The following CHN2 variants were observed in gnomAD, a reference collection of about 807,000 sequenced individuals.
The protein encoded by CHN2 is chimerin 2.
A neutral mutation model predicts 56.3 loss-of-function variants in CHN2; 35 were observed. The observed-to-expected ratio is 0.62, with a 90% confidence interval of 0.47 to 0.82. The LOEUF (loss-of-function observed/expected upper bound fraction) is 0.82. Among genes scored for constraint, CHN2 ranks in the 40% least tolerant of loss-of-function variants. CHN2 has a pLI of 0.00. For synonymous variants in CHN2, 210 were observed against 212.8 expected, an observed-to-expected ratio of 0.99 and a Z score of 0.12; for missense variants, 491 against 580.5, an observed-to-expected ratio of 0.85 and a Z score of 1.58.
intron 1 of CHN2, among the ~76,000 whole-genome samples, chr7:29,276,056 T>TA (rs3842626): frequency 2.0e-4 from 29 of 148,114 alleles, no homozygotes; most frequent in South Asian, 4.3e-4. Context: ...ATCTAAAACT[T>TA]AAAAAAAAAA....
chr7:29,151,300 A>G (rs1793561261), intron 2 of CHN2, among the ~76,000 whole-genome samples: 1 of 152,248 alleles, frequency 6.6e-6, no homozygotes, highest in East Asian at 1.9e-4. Flanking sequence ...ACAATGTCCA[A>G]ATTAATCTAC....
chr7:29,376,084 G>A (rs1428484967), intron 3 of CHN2, among the ~76,000 whole-genome samples: 4 of 152,204 alleles, frequency 2.6e-5, no homozygotes, highest in African/African-American at 7.2e-5. Context: ...AGGCTTGGAC[G>A]TAGATTTCTG....
intron 1 of CHN2, among the ~76,000 whole-genome samples, chr7:29,233,060 A>G (rs1003714824): frequency 1.3e-5 from 2 of 152,170 alleles, no homozygotes; most frequent in Admixed American, 6.5e-5. Context: ...AGTTTTCTCA[A>G]TGTCATACTA....
intron 1 of CHN2, among the ~76,000 whole-genome samples, chr7:29,353,457 G>C (rs1272121706): frequency 6.6e-6 from 1 of 152,142 alleles, no homozygotes; most frequent in African/African-American, 2.4e-5. Flanking sequence ...AGTTCAAGAT[G>C]TGCCTGGCCA....
intron 6 of CHN2, among the ~76,000 whole-genome samples, chr7:29,433,952 A>G (rs1015669922): frequency 3.3e-5 from 5 of 152,060 alleles, no homozygotes; most frequent in Non-Finnish European, 7.4e-5. Flanking sequence ...GAAGGAATCT[A>G]TCTTACAGTT....
At chr7:29,259,422 A>G (rs1362744165) in intron 1 of CHN2, among the ~76,000 whole-genome samples, 1 of 152,146 alleles carries the variant, frequency 6.6e-6, no homozygotes, top group East Asian at 1.9e-4. Context: ...TCTGTAGGAT[A>G]TAGAGAAGAG....
intron 1 of CHN2, among the ~76,000 whole-genome samples, chr7:29,264,550 C>A (rs1305757514): frequency 1.3e-5 from 2 of 152,202 alleles, no homozygotes; most frequent in African/African-American, 4.8e-5. Context: ...GCTGTGTCCA[C>A]TAAGGGTTGA....
At chr7:29,319,079 G>A (rs901322928) in intron 1 of CHN2, among the ~76,000 whole-genome samples, 6 of 152,164 alleles carry the variant, frequency 3.9e-5, no homozygotes, top group Admixed American at 2.0e-4. Context: ...GGGAACTGAG[G>A]GAGAAACGGG....
At chr7:29,360,545 C>T (rs1798656920) in intron 2 of CHN2, among the ~76,000 whole-genome samples, 1 of 152,162 alleles carries the variant, frequency 6.6e-6, no homozygotes, top group African/African-American at 2.4e-5. Flanking sequence ...AATTGACATT[C>T]TGTTAGGAAG....
At chr7:29,325,869 GA>G (rs1292607131) in intron 1 of CHN2, among the ~76,000 whole-genome samples, 1 of 152,130 alleles carries the variant, frequency 6.6e-6, no homozygotes, top group Non-Finnish European at 1.5e-5. Context: ...AGATGTAGCT[GA>G]AAAAAACTTG....
chr7:29,189,520 G>T (rs1799137410), intron 2 of CHN2, among the ~76,000 whole-genome samples: 1 of 152,124 alleles, frequency 6.6e-6, no homozygotes, highest in Non-Finnish European at 1.5e-5. Context: ...GTTTATCCTA[G>T]ATTTCTCTTA....
At chr7:29,312,280 A>G (rs548780666) in intron 1 of CHN2, among the ~76,000 whole-genome samples, 8 of 152,102 alleles carry the variant, frequency 5.3e-5, no homozygotes, top group Admixed American at 2.0e-4. Context: ...AACCATCTCA[A>G]TCCCTCCTGC....
chr7:29,411,549 CGAAGG>C (rs1468027135), intron 6 of CHN2, among the ~76,000 whole-genome samples: 2 of 152,114 alleles, frequency 1.3e-5, no homozygotes, highest in African/African-American at 4.8e-5. Context: ...AAGGCCAAGC[CGAAGG>C]ACCCCGTGTC....
chr7:29,249,608 C>T (rs1480483107), intron 1 of CHN2, among the ~76,000 whole-genome samples: 1 of 152,234 alleles, frequency 6.6e-6, no homozygotes, highest in Admixed American at 6.5e-5. Flanking sequence ...CTAGGTTGTC[C>T]TGCGGCCTTT....
At chr7:29,205,129 G>T (rs1049520051) in intron 1 of CHN2, among the ~76,000 whole-genome samples, 3 of 152,186 alleles carry the variant, frequency 2.0e-5, no homozygotes, top group African/African-American at 7.2e-5. Flanking sequence ...CTGTCATTCA[G>T]GAGTTAATGT....
chr7:29,500,005 TG>T lies in CHN2; in HGVS notation c.880del (p.Val294Ter). 6.3e-7 allele frequency: 1 copy of T among 1,580,986 alleles called. No individual in the cohort carries two copies. Among genetic ancestry groups the T allele is most frequent in the South Asian group, 1.2e-5 (1 of 86,068 alleles). On this transcript the variant is annotated frameshift_variant, in exon 9 of 13. Coordinates refer to ENST00000222792, the MANE Select transcript of CHN2 (RefSeq NM_004067.4). LOFTEE classifies it high-confidence loss of function. ...VKAHNTQRPMVVDICIREIEA... is the reference protein window; with the variant it reads ...VKAHNTQRPMXVDICIREIEA... Reference sequence around the variant, plus strand: ...GCTCACAACACTCAGAGACCCATGGTGGTAGACATATGCATTCGGGAAATTG... The same window carrying T: ...GCTCACAACACTCAGAGACCCATGGTGTAGACATATGCATTCGGGAAATTG...
At chr7:29,407,451 C>G (rs78982482) in intron 6 of CHN2, among the ~76,000 whole-genome samples, 1 of 151,866 alleles carries the variant, frequency 6.6e-6, no homozygotes, top group Non-Finnish European at 1.5e-5. Context: ...AAAGAAAGAA[C>G]CTGAATTGTT....
At chr7:29,209,913 G>T (rs1472172552) in intron 1 of CHN2, among the ~76,000 whole-genome samples, 6 of 152,156 alleles carry the variant, frequency 3.9e-5, no homozygotes, top group Admixed American at 3.9e-4. Context: ...TTTCAGTTTT[G>T]TGATGGGCCA....
At chr7:29,353,734 A>G (rs975206655) in intron 1 of CHN2, among the ~76,000 whole-genome samples, 7 of 152,186 alleles carry the variant, frequency 4.6e-5, no homozygotes, top group Non-Finnish European at 1.0e-4. Flanking sequence ...GATGATGAGA[A>G]CAGAGTTTCC....
Sources: allele counts gnomAD v4.1 joint callset (sites outside exome capture counted in the v4.1 genomes callset), GRCh38; gene constraint gnomAD v4.1.1; transcripts MANE v1.5; gene names NCBI Gene and HGNC (gene_info 2026-07-23, HGNC 2026-07-21).